Variants in TMCC3 observed in about 807,000 individuals in gnomAD.
TMCC3 encodes the protein transmembrane and coiled-coil domain protein 3.
In TMCC3, 28 loss-of-function variants were observed where a neutral mutation model predicts 40.2. That is an observed-to-expected ratio of 0.70 (90% confidence interval 0.52 to 0.95). The LOEUF is 0.95. TMCC3 is among the 40% of genes least tolerant of loss of function. TMCC3 has a pLI of 0.00. For missense variants in TMCC3, 554 were observed against 615.2 expected, an observed-to-expected ratio of 0.90 and a Z score of 1.05; for synonymous variants, 255 against 248.5, an observed-to-expected ratio of 1.03 and a Z score of -0.25.
At position 94,580,971 on chromosome 12, in the gene TMCC3, T is replaced by TA. The variant is rs2068597176; in HGVS notation, c.995+650dup. Among the ~76,000 whole-genome samples the TA allele has an allele frequency of 2.6e-5, 4 of 152,284 alleles. No individual in the cohort carries two copies. The South Asian group carries it at 8.3e-4, about 32-fold the overall frequency. On this transcript the variant is annotated intron_variant, in intron 2 of 3. Coordinates refer to ENST00000261226, the MANE Select transcript of TMCC3 (RefSeq NM_020698.4). The stretch of plus-strand genomic sequence containing the variant: ...ATCCAATAATTTAAGGACCCACACA[T>TA]AAATCCTTCTCTAATTGTCAGCTAA...
At chr12:94,598,540 T>C in intron 1 of TMCC3, 1 of 980,582 alleles carries the variant, frequency 1.0e-6, no homozygotes, top group Non-Finnish European at 1.2e-6. Flanking sequence ...GAAATGACCT[T>C]AAATCCCAAG....
At chr12:94,637,889 C>T (rs927485536) in intron 1 of TMCC3, among the ~76,000 whole-genome samples, 6 of 152,164 alleles carry the variant, frequency 3.9e-5, no homozygotes, top group Non-Finnish European at 8.8e-5. Flanking sequence ...TTCACTCATT[C>T]AGTCAATATT....
intron 1 of TMCC3, among the ~76,000 whole-genome samples, chr12:94,642,186 G>A (rs117836437): frequency 0.023 from 3,505 of 152,162 alleles, 89 homozygotes; most frequent in Admixed American, 0.079. Flanking sequence ...ATTATGTAAA[G>A]CAATCCTTTT....
At chr12:94,622,332 C>T (rs145930483) in intron 1 of TMCC3, among the ~76,000 whole-genome samples, 16 of 152,244 alleles carry the variant, frequency 1.1e-4, no homozygotes, top group Middle Eastern at 3.4e-3. Flanking sequence ...CCCTCCCACA[C>T]GATCTCACAA....
intron 1 of TMCC3, among the ~76,000 whole-genome samples, chr12:94,605,992 A>C (rs1390773100): frequency 3.3e-5 from 5 of 152,138 alleles, no homozygotes. Context: ...AAAAAAATCC[A>C]AATGAGATTA....
intron 1 of TMCC3, among the ~76,000 whole-genome samples, chr12:94,603,892 T>C (rs1419970433): frequency 6.9e-6 from 1 of 144,546 alleles, no homozygotes; most frequent in Non-Finnish European, 1.5e-5. Context: ...AATGTTAACA[T>C]ACAGTATTGC....
intron 1 of TMCC3, among the ~76,000 whole-genome samples, chr12:94,599,475 A>G (rs1477179722): frequency 6.6e-6 from 1 of 152,032 alleles, no homozygotes; most frequent in Non-Finnish European, 1.5e-5. Flanking sequence ...AGTGGAGAAC[A>G]GGGTCTCAAA....
intron 1 of TMCC3, chr12:94,590,761 G>C (rs746632680): frequency 2.4e-6 from 1 of 408,666 alleles, no homozygotes; most frequent in Non-Finnish European, 4.8e-6. Flanking sequence ...TCACGCTTCC[G>C]GAGACTGGAG....
chr12:94,582,140 G>A lies in TMCC3; in HGVS notation c.477C>T (p.His159=). The A allele has an allele frequency of 1.2e-6, 2 of 1,614,090 alleles. No individual in the cohort carries two copies. The highest frequency in any genetic ancestry group is 8.5e-7 in the Non-Finnish European group (1 of 1,180,018). Residue 159 remains histidine, a synonymous_variant, in exon 2 of 4, where the codon CAC becomes CAT. Transcript: ENST00000261226. ...SRSSKDISKD[H]LKDIHRSLKD... ...TCAAAGAGCGATGTATATCCTTCAG[G>A]TGGTCTTTGGAAATGTCCTTTGAGC...
chr12:94,612,045 C>A (rs1388948483), intron 1 of TMCC3, among the ~76,000 whole-genome samples: 2 of 152,234 alleles, frequency 1.3e-5, no homozygotes, highest in Non-Finnish European at 2.9e-5. Context: ...ATCAACCAGA[C>A]TGGAGTGCAG....
At chr12:94,604,642 C>CA (rs62951060) in intron 1 of TMCC3, among the ~76,000 whole-genome samples, 45,215 of 115,996 alleles carry the variant, frequency 0.39, 9,508 homozygotes, top group African/African-American at 0.47. Context: ...CCATCTCTAC[C>CA]AAAAAAAAAA....
At chr12:94,584,290 C>T (rs930821868) in intron 1 of TMCC3, among the ~76,000 whole-genome samples, 2 of 152,108 alleles carry the variant, frequency 1.3e-5, no homozygotes, top group Non-Finnish European at 2.9e-5. Context: ...CCGTCTCTTG[C>T]AGGCATCCTC....
At chr12:94,635,660 GTTTTTTTTTTTTT>G (rs63480462) in intron 1 of TMCC3, among the ~76,000 whole-genome samples, 1 of 89,294 alleles carries the variant, frequency 1.1e-5, no homozygotes, top group South Asian at 4.3e-4. Context: ...GTGTATGTGG[GTTTTTTTTTTTTT>G]TTTTTTTTTT....
intron 1 of TMCC3, among the ~76,000 whole-genome samples, chr12:94,639,894 T>G (rs2068980570): frequency 1.3e-5 from 2 of 152,200 alleles, no homozygotes; most frequent in Non-Finnish European, 2.9e-5. Context: ...TAACTCAAAT[T>G]TTCACAACCC....
chr12:94,597,164 T>TATATATATAA (rs1488070684), intron 1 of TMCC3, among the ~76,000 whole-genome samples: 6 of 90,456 alleles, frequency 6.6e-5, no homozygotes, highest in East Asian at 7.1e-4. Context: ...TATATGTATA[T>TATATATATAA]AAATTAGCCA....
In TMCC3 at chr12:94,592,661, C is replaced by CAAAAAAAAA. The variant is rs869058316; in HGVS notation, c.79-10132_79-10124dup. 4.5e-3 allele frequency among the ~76,000 whole-genome samples: 124 copies of CAAAAAAAAA among 27,488 alleles called. 13 individuals carry two copies. The highest frequency in any genetic ancestry group is 0.028 in the Middle Eastern group (1 of 36). The allele number at this position is 27,488 out of a possible 152,430, so 18.0% of individuals were successfully genotyped here. On this transcript the variant is annotated intron_variant, in intron 1 of 3. Transcript: ENST00000261226. ...TGAGCCTGGACAACAGGCTCCATCT[C>CAAAAAAAAA]AAAAAAAAAAAAAAAAAAAAAATTC...
intron 1 of TMCC3, among the ~76,000 whole-genome samples, chr12:94,592,075 A>T (rs2068679738): frequency 6.6e-6 from 1 of 152,220 alleles, no homozygotes; most frequent in African/African-American, 2.4e-5. Flanking sequence ...TGTGTGCTGG[A>T]GGGGAAAAAT....
rs542259952 is a variant in TMCC3, at chr12:94,610,458, GAT to G, written c.79-27922_79-27921del. 7.8e-3 allele frequency among the ~76,000 whole-genome samples: 1,178 copies of G among 151,184 alleles called. 8 individuals are homozygous for G. Among genetic ancestry groups the G allele is most frequent in the Non-Finnish European group, 0.011 (776 of 67,834 alleles). The stretch of plus-strand genomic sequence containing the variant: ...AAAAAAAAAAATTTTTTTTTCAAGA[GAT>G]ATAAAGAACAGAAATGGAGATGAAA... On this transcript the variant is annotated intron_variant, in intron 1 of 3. Transcript: ENST00000261226.
At chr12:94,644,517 G>A (rs1033022139) in intron 1 of TMCC3, 1 of 767,292 alleles carries the variant, frequency 1.3e-6, no homozygotes, top group Non-Finnish European at 1.6e-6. Context: ...AGCTGGTGGT[G>A]GCCGGCAGTT....
Sources: gnomAD v4.1 joint callset for allele counts (sites outside exome capture counted in the v4.1 genomes callset) on GRCh38, gnomAD v4.1.1 for gene constraint, MANE v1.5 for transcripts, NCBI Gene and HGNC (gene_info 2026-07-23, HGNC 2026-07-21) for gene names.